The following GMDS variants were observed in gnomAD, a reference collection of about 807,000 sequenced individuals.
GMDS encodes the protein GDP-mannose 4,6 dehydratase.
Under a neutral mutation model 49.9 loss-of-function variants are expected in GMDS, and 20 were observed. That is an observed-to-expected ratio of 0.40 (90% CI 0.28 to 0.58). The LOEUF (loss-of-function observed/expected upper bound fraction) is 0.58, where lower values mean the gene tolerates loss of function less well. Among genes scored for constraint, GMDS ranks in the 20% least tolerant of loss-of-function variants. The pLI, the probability that GMDS is intolerant of heterozygous loss-of-function variation, is 0.42. For missense variants in GMDS, 362 were observed against 481.4 expected (o/e 0.75, Z 2.32); for synonymous variants, 177 against 178.6 (o/e 0.99, Z 0.07).
At chr6:2,208,858 A>G (rs942040093) in intron 1 of GMDS, among the ~76,000 whole-genome samples, 3 of 151,906 alleles carry the variant, frequency 2.0e-5, no homozygotes, top group Non-Finnish European at 2.9e-5. Context: ...CTACATTAAA[A>G]AAAAAAAAAA....
chr6:1,827,115 T>C (rs1273417649), intron 7 of GMDS, among the ~76,000 whole-genome samples: 2 of 147,882 alleles, frequency 1.4e-5, no homozygotes, highest in Admixed American at 1.4e-4. Context: ...TGTGTGTGTG[T>C]GTGTGTATGT....
intron 9 of GMDS, among the ~76,000 whole-genome samples, chr6:1,661,869 G>A (rs1446051456): frequency 6.6e-6 from 1 of 152,212 alleles, no homozygotes; most frequent in African/African-American, 2.4e-5. Flanking sequence ...TTAAGGGGCG[G>A]GTGGGTGCCT....
At chr6:2,109,081 C>G (rs1161327410) in intron 4 of GMDS, among the ~76,000 whole-genome samples, 1 of 152,176 alleles carries the variant, frequency 6.6e-6, no homozygotes, top group African/African-American at 2.4e-5. Context: ...CAGTCCCAGG[C>G]AGAAACAGCA....
intron 8 of GMDS, among the ~76,000 whole-genome samples, chr6:1,738,170 C>A (rs1468079593): frequency 6.7e-6 from 1 of 149,080 alleles, no homozygotes; most frequent in African/African-American, 2.6e-5. Context: ...CACACAGACA[C>A]ATACACACAC....
At chr6:1,987,037 T>C (rs1184410810) in intron 4 of GMDS, among the ~76,000 whole-genome samples, 1 of 152,218 alleles carries the variant, frequency 6.6e-6, no homozygotes, top group African/African-American at 2.4e-5. Context: ...TGAGGCAACG[T>C]TGTACCCTCT....
intron 4 of GMDS, among the ~76,000 whole-genome samples, chr6:2,038,558 A>G (rs2127424767): frequency 6.7e-6 from 1 of 149,568 alleles, no homozygotes; most frequent in East Asian, 2.0e-4. Flanking sequence ...CATACAGAAA[A>G]ACAAATATAT....
chr6:2,136,797 G>A (rs953213800), intron 1 of GMDS, among the ~76,000 whole-genome samples: 2 of 151,640 alleles, frequency 1.3e-5, no homozygotes, highest in Non-Finnish European at 2.9e-5. Flanking sequence ...TAGCTACTTG[G>A]AAAGCTGGGA....
Position 1,759,363 on chromosome 6 carries a change from G to A in GMDS, c.772-16777C>T, listed in dbSNP as rs531465501. 2.0e-5 allele frequency among the ~76,000 whole-genome samples: 3 copies of A among 152,308 alleles called. No homozygotes were observed. The South Asian group carries it at 6.2e-4, about 32-fold the overall frequency. ...ACTGGAGAGATTAAATGGTTCACCT[G>A]AAGTCATACACCTGCTAAGTGTTAG... On this transcript the variant is annotated intron_variant, in intron 7 of 10. Coordinates refer to ENST00000380815, the MANE Select transcript of GMDS (RefSeq NM_001500.4).
chr6:1,911,138 C>A (rs3778551), intron 7 of GMDS, among the ~76,000 whole-genome samples: 11,867 of 152,124 alleles, frequency 0.078, 540 homozygotes, highest in South Asian at 0.15. Context: ...AGACAGGGCC[C>A]TCCAAGAGGA....
chr6:2,039,993 G>A (rs992384644), intron 4 of GMDS, among the ~76,000 whole-genome samples: 2 of 152,160 alleles, frequency 1.3e-5, no homozygotes, highest in African/African-American at 2.4e-5. Context: ...TGCGTAACAT[G>A]TTGTGCTACA....
intron 7 of GMDS, among the ~76,000 whole-genome samples, chr6:1,753,067 C>A (rs1458348592): frequency 6.6e-6 from 1 of 152,036 alleles, no homozygotes; most frequent in Non-Finnish European, 1.5e-5. Flanking sequence ...GCTTAATGCC[C>A]CAATTAAAAC....
chr6:2,085,330 T>C (rs1772949692), intron 4 of GMDS, among the ~76,000 whole-genome samples: 1 of 152,202 alleles, frequency 6.6e-6, no homozygotes, highest in Admixed American at 6.5e-5. Context: ...TGTGGCTTTT[T>C]AGTATAGCAA....
chr6:1,677,091 C>G (rs1764649099), intron 9 of GMDS, among the ~76,000 whole-genome samples: 1 of 152,174 alleles, frequency 6.6e-6, no homozygotes, highest in African/African-American at 2.4e-5. Context: ...AAGAAAAAAT[C>G]AAACAACCCT....
intron 4 of GMDS, among the ~76,000 whole-genome samples, chr6:2,009,740 C>G (rs990804830): frequency 6.6e-6 from 1 of 152,168 alleles, no homozygotes; most frequent in African/African-American, 2.4e-5. Context: ...ATTATTATTA[C>G]AGAATGTGAT....
chr6:1,743,530 C>G (rs1312179150), intron 7 of GMDS, among the ~76,000 whole-genome samples: 33 of 112,096 alleles, frequency 2.9e-4, no homozygotes, highest in Admixed American at 2.2e-3. Context: ...ACGACAGAAC[C>G]AGACTCCATC....
chr6:1,878,193 TAGTCCCAGCTACTTG>T (rs575626063), intron 7 of GMDS, among the ~76,000 whole-genome samples: 1 of 151,540 alleles, frequency 6.6e-6, no homozygotes, highest in South Asian at 2.1e-4. Flanking sequence ...CGGGCACCTG[TAGTCCCAGCTACTTG>T]GGAGGCTGAG....
intron 4 of GMDS, among the ~76,000 whole-genome samples, chr6:2,065,099 A>C (rs1398800776): frequency 1.3e-5 from 2 of 152,124 alleles, no homozygotes; most frequent in Non-Finnish European, 2.9e-5. Context: ...CTGCCTCCTC[A>C]AGTGGATCCC....
At chr6:1,642,867 C>A (rs892107643) in intron 9 of GMDS, among the ~76,000 whole-genome samples, 3 of 152,180 alleles carry the variant, frequency 2.0e-5, no homozygotes, top group Non-Finnish European at 4.4e-5. Context: ...CCGGGCCCCA[C>A]GAAGCCCCTT....
intron 9 of GMDS, among the ~76,000 whole-genome samples, chr6:1,674,466 T>C (rs895802986): frequency 1.1e-4 from 17 of 152,182 alleles, no homozygotes; most frequent in Middle Eastern, 3.4e-3. Context: ...TCTTGACTTG[T>C]CTACTTGTCT....
Sources: allele counts gnomAD v4.1 joint callset (sites outside exome capture counted in the v4.1 genomes callset), GRCh38; gene constraint gnomAD v4.1.1; transcripts MANE v1.5; gene names NCBI Gene and HGNC (gene_info 2026-07-23, HGNC 2026-07-21).